Variants in NEGR1 observed in about 807,000 individuals in gnomAD.
NEGR1 encodes the protein IgLON family member 4.
Under a neutral mutation model 40.9 loss-of-function variants are expected in NEGR1, and 10 were observed. The ratio of observed to expected loss-of-function variants is 0.24; its 90% confidence interval spans 0.15 to 0.42. The LOEUF is 0.42. Among genes scored for constraint, NEGR1 ranks in the 10% least tolerant of loss-of-function variants. The pLI is 1.00. For synonymous variants in NEGR1, 185 were observed against 166.8 expected, an observed-to-expected ratio of 1.11 and a Z score of -0.84; for missense variants, 352 against 438.9, an observed-to-expected ratio of 0.80 and a Z score of 1.77.
chr1:71,677,763 G>A (rs1652692975), intron 4 of NEGR1, among the ~76,000 whole-genome samples: 2 of 152,162 alleles, frequency 1.3e-5, no homozygotes, highest in Non-Finnish European at 2.9e-5. Flanking sequence ...AAGTGAGAAA[G>A]TTAGTGAGGC....
chr1:71,501,017 T>C (rs553594725), intron 6 of NEGR1, among the ~76,000 whole-genome samples: 15 of 152,222 alleles, frequency 9.9e-5, no homozygotes, highest in African/African-American at 3.4e-4. Context: ...AAACATTGTA[T>C]TGTAACTTTC....
intron 1 of NEGR1, among the ~76,000 whole-genome samples, chr1:72,216,390 T>C (rs1304063163): frequency 2.2e-5 from 3 of 136,354 alleles, no homozygotes; most frequent in Non-Finnish European, 4.7e-5. Flanking sequence ...TATACATATA[T>C]ATATATATAT....
At chr1:71,854,180 C>G (rs1659692282) in intron 2 of NEGR1, among the ~76,000 whole-genome samples, 1 of 152,026 alleles carries the variant, frequency 6.6e-6, no homozygotes, top group Non-Finnish European at 1.5e-5. Flanking sequence ...TCCTTAAATC[C>G]TCTTCCATCA....
intron 1 of NEGR1, among the ~76,000 whole-genome samples, chr1:72,201,379 T>A (rs191219164): frequency 4.2e-4 from 63 of 151,774 alleles, no homozygotes; most frequent in African/African-American, 1.3e-3. Flanking sequence ...ATACAAAATA[T>A]CAGTATTTTA....
chr1:72,117,762 C>T (rs1649637108), intron 1 of NEGR1, among the ~76,000 whole-genome samples: 2 of 151,776 alleles, frequency 1.3e-5, no homozygotes, highest in Admixed American at 1.3e-4. Flanking sequence ...TGGACACCTG[C>T]TAGTTTAACA....
intron 1 of NEGR1, among the ~76,000 whole-genome samples, chr1:71,965,933 T>G (rs1342689215): frequency 6.6e-6 from 1 of 152,156 alleles, no homozygotes; most frequent in South Asian, 2.1e-4. Flanking sequence ...TTTCCCAAAC[T>G]TGTGGAGTGT....
intron 1 of NEGR1, among the ~76,000 whole-genome samples, chr1:72,037,520 T>C (rs1049556428): frequency 1.3e-5 from 2 of 152,174 alleles, no homozygotes; most frequent in African/African-American, 4.8e-5. Context: ...ATTAACCAAT[T>C]GTGCTGTAGA....
intron 5 of NEGR1, among the ~76,000 whole-genome samples, chr1:71,600,990 C>T (rs1453975327): frequency 3.3e-5 from 5 of 152,294 alleles, no homozygotes; most frequent in South Asian, 4.1e-4. Flanking sequence ...AGTGGCTTCA[C>T]TCTTTATCTT....
At chr1:72,151,269 TAATA>T (rs1410877580) in intron 1 of NEGR1, among the ~76,000 whole-genome samples, 1 of 151,148 alleles carries the variant, frequency 6.6e-6, no homozygotes, top group East Asian at 1.9e-4. Context: ...TAATTTAGTT[TAATA>T]AATACTTAAA....
chr1:72,000,558 C>A (rs1383674236), intron 1 of NEGR1, among the ~76,000 whole-genome samples: 1 of 152,020 alleles, frequency 6.6e-6, no homozygotes, highest in Non-Finnish European at 1.5e-5. Flanking sequence ...GAATTTAAAA[C>A]ACATTTTTCT....
At chr1:71,509,791 G>T (rs1647060662) in intron 6 of NEGR1, among the ~76,000 whole-genome samples, 1 of 152,138 alleles carries the variant, frequency 6.6e-6, no homozygotes, top group Non-Finnish European at 1.5e-5. Flanking sequence ...TGAAAATGTG[G>T]ATTGAATTAA....
At chr1:71,763,144 ATG>A (rs1413257504) in intron 3 of NEGR1, among the ~76,000 whole-genome samples, 1 of 152,194 alleles carries the variant, frequency 6.6e-6, no homozygotes, top group Non-Finnish European at 1.5e-5. Flanking sequence ...TTCTGGCTAC[ATG>A]AATGAACTCA....
intron 1 of NEGR1, among the ~76,000 whole-genome samples, chr1:72,063,463 C>T (rs982051183): frequency 2.0e-5 from 3 of 151,750 alleles, no homozygotes; most frequent in South Asian, 2.1e-4. Flanking sequence ...CAAGTAATTG[C>T]GTTTTTGCCA....
At chr1:71,846,494 G>A (rs560159491) in intron 2 of NEGR1, among the ~76,000 whole-genome samples, 1 of 151,136 alleles carries the variant, frequency 6.6e-6, no homozygotes, top group South Asian at 2.1e-4. Flanking sequence ...GGGAAAAAAT[G>A]TGAATAAATA....
chr1:72,280,824 T>C (rs570798092), intron 1 of NEGR1, among the ~76,000 whole-genome samples: 36 of 152,298 alleles, frequency 2.4e-4, no homozygotes, highest in African/African-American at 8.2e-4. Context: ...TTTCCCACTC[T>C]CTTTCACCTT....
intron 4 of NEGR1, among the ~76,000 whole-genome samples, chr1:71,678,532 T>C (rs1652719339): frequency 6.6e-6 from 1 of 152,140 alleles, no homozygotes; most frequent in South Asian, 2.1e-4. Flanking sequence ...TTCCCTTACT[T>C]ACTGCTTGGC....
chr1:72,148,537 T>G (rs1650996977), intron 1 of NEGR1, among the ~76,000 whole-genome samples: 1 of 152,186 alleles, frequency 6.6e-6, no homozygotes, highest in Non-Finnish European at 1.5e-5. Flanking sequence ...AATGGGTTTT[T>G]CTTTTCTACT....
intron 2 of NEGR1, among the ~76,000 whole-genome samples, chr1:71,802,167 A>G (rs1360985883): frequency 6.6e-6 from 1 of 152,208 alleles, no homozygotes; most frequent in Non-Finnish European, 1.5e-5. Flanking sequence ...TTACTGCTTA[A>G]GATAAAATGA....
intron 1 of NEGR1, among the ~76,000 whole-genome samples, chr1:71,978,814 A>C (rs1646329976): frequency 1.3e-5 from 2 of 152,184 alleles, no homozygotes; most frequent in African/African-American, 4.8e-5. Context: ...AAAGAGCTAA[A>C]AACAGAACTG....
Sources: gnomAD v4.1 joint callset for allele counts (sites outside exome capture counted in the v4.1 genomes callset) on GRCh38, gnomAD v4.1.1 for gene constraint, MANE v1.5 for transcripts, NCBI Gene and HGNC (gene_info 2026-07-23, HGNC 2026-07-21) for gene names.